The following TSHZ1 variants were observed in gnomAD, a reference collection of about 807,000 sequenced individuals.
TSHZ1 encodes the protein teashirt homolog 1.
Under a neutral mutation model 67.1 loss-of-function variants are expected in TSHZ1, and 12 were observed. The ratio of observed to expected loss-of-function variants is 0.18; its 90% CI spans 0.11 to 0.29. TSHZ1 has a LOEUF of 0.29. Ranked by LOEUF, TSHZ1 falls within the 10% of genes least tolerant of loss-of-function variation. The pLI, the probability that TSHZ1 is intolerant of heterozygous loss-of-function variation, is 1.00. For synonymous variants in TSHZ1, 632 were observed against 622.4 expected, an observed-to-expected ratio of 1.02 and a Z score of -0.23; for missense variants, 1,305 against 1,413.9, an observed-to-expected ratio of 0.92 and a Z score of 1.23.
At chr18:75,232,601 A>T (rs1158935850) in intron 1 of TSHZ1, among the ~76,000 whole-genome samples, 2 of 152,114 alleles carry the variant, frequency 1.3e-5, no homozygotes, top group Admixed American at 1.3e-4. Flanking sequence ...TGGAAAAGAG[A>T]GTTTTCTGAT....
intron 1 of TSHZ1, among the ~76,000 whole-genome samples, chr18:75,212,240 A>C (rs904181308): frequency 6.6e-6 from 1 of 152,284 alleles, no homozygotes; most frequent in East Asian, 1.9e-4. Context: ...GAGGGGAAGT[A>C]GTTGCTCCTT....
chr18:75,255,877 T>C (rs1256132867), intron 1 of TSHZ1, among the ~76,000 whole-genome samples: 1 of 152,238 alleles, frequency 6.6e-6, no homozygotes, highest in Non-Finnish European at 1.5e-5. Flanking sequence ...TTTGTACTTA[T>C]GTCCTAGAAG....
intron 1 of TSHZ1, among the ~76,000 whole-genome samples, chr18:75,241,647 A>G (rs1374892809): frequency 6.6e-6 from 1 of 152,182 alleles, no homozygotes; most frequent in East Asian, 1.9e-4. Context: ...TTATTTAGTG[A>G]CATTCATAAC....
At chr18:75,267,303 G>A (rs940528037) in intron 1 of TSHZ1, among the ~76,000 whole-genome samples, 11 of 152,212 alleles carry the variant, frequency 7.2e-5, no homozygotes, top group African/African-American at 2.7e-4. Flanking sequence ...TGGACACATA[G>A]GATAGTCACA....
intron 1 of TSHZ1, among the ~76,000 whole-genome samples, chr18:75,260,770 C>A (rs767278796): frequency 6.6e-6 from 1 of 152,162 alleles, no homozygotes; most frequent in Non-Finnish European, 1.5e-5. Flanking sequence ...GAAACACGCC[C>A]TGGTTGAATG....
At chr18:75,234,421 C>T (rs762126931) in intron 1 of TSHZ1, among the ~76,000 whole-genome samples, 1 of 152,156 alleles carries the variant, frequency 6.6e-6, no homozygotes, top group South Asian at 2.1e-4. Flanking sequence ...AAAGTTTTTG[C>T]ACAGTTTTAA....
At chr18:75,261,894 A>C (rs917968061) in intron 1 of TSHZ1, among the ~76,000 whole-genome samples, 1 of 152,222 alleles carries the variant, frequency 6.6e-6, no homozygotes, top group Admixed American at 6.5e-5. Flanking sequence ...GCTACAACTC[A>C]TATGGCGTTT....
Position 75,286,137 on chromosome 18 carries a change from A to G in TSHZ1, c.730A>G (p.Ser244Gly), listed in dbSNP as rs1599060655. Residue 244 changes from serine to glycine, a missense_variant, in exon 2 of 2, where the codon AGC (serine) becomes GGC (glycine). Transcript: ENST00000580243. This position sits in a 1 kb window ranked among gnomAD's most constrained non-coding sequence, Gnocchi z 5.1. Reference protein sequence around the residue: ...KLYGSVFTGASKFRCKDCSAA... With the variant: ...KLYGSVFTGAGKFRCKDCSAA... ...CTACGGCTCCGTCTTCACGGGCGCCAGCAAGTTCCGGTGCAAAGACTGCAG... is the reference window on the plus strand; with the variant it reads ...CTACGGCTCCGTCTTCACGGGCGCCGGCAAGTTCCGGTGCAAAGACTGCAG... 6.2e-7 allele frequency: 1 copy of G among 1,613,420 alleles called. No individual in the cohort carries two copies. Among genetic ancestry groups the G allele is most frequent in the Non-Finnish European group, 8.5e-7 (1 of 1,179,420 alleles).
At chr18:75,221,298 AT>A (rs1226961995) in intron 1 of TSHZ1, 4 of 152,264 alleles carry the variant, frequency 2.6e-5, no homozygotes, top group Non-Finnish European at 4.4e-5. Flanking sequence ...GTTATAAAAA[AT>A]ATCCTCAGTT....
intron 1 of TSHZ1, among the ~76,000 whole-genome samples, chr18:75,229,343 C>T (rs1473949056): frequency 6.6e-6 from 1 of 152,234 alleles, no homozygotes; most frequent in Admixed American, 6.5e-5. Context: ...AGGATTGATG[C>T]GTCTCATCTC....
Position 75,281,017 on chromosome 18 carries a change from G to T in TSHZ1, c.41-4431G>T, listed in dbSNP as rs1163979335. ...CTGCCTGGGACCAGATAGATAGAGC[G>T]GGCTGGGCACAGAGGGCTGGGCACA... On this transcript the variant is annotated intron_variant, in intron 1 of 1. Transcript: ENST00000580243. The surrounding 1 kb of genome is among the most constrained non-coding windows in gnomAD (Gnocchi z 5.3). Among the ~76,000 whole-genome samples the T allele has an allele frequency of 6.6e-6, 1 of 152,136 alleles. No individual in the cohort carries two copies. Among genetic ancestry groups the T allele is most frequent in the Non-Finnish European group, 1.5e-5 (1 of 68,008 alleles).
At chr18:75,265,050 G>A (rs545357030) in intron 1 of TSHZ1, among the ~76,000 whole-genome samples, 5 of 152,296 alleles carry the variant, frequency 3.3e-5, no homozygotes, top group East Asian at 3.9e-4. Context: ...ATTTCATAGA[G>A]CAATTTTACA....
chr18:75,267,475 C>T (rs1448307729), intron 1 of TSHZ1, among the ~76,000 whole-genome samples: 4 of 152,186 alleles, frequency 2.6e-5, no homozygotes, highest in Admixed American at 2.6e-4. Context: ...AGAGCGTAAA[C>T]AGTGGTGGGG....
In TSHZ1 at chr18:75,211,838, C is replaced by A. The variant is rs1459484610; in HGVS notation, c.-39C>A. ...CCGCGTCCCCGCGCCCCGCGAACTCCGGCGGCGGCTGAGGCGACGGCTGCG... is the reference window on the plus strand; with the variant it reads ...CCGCGTCCCCGCGCCCCGCGAACTCAGGCGGCGGCTGAGGCGACGGCTGCG... On this transcript the variant is annotated 5_prime_UTR_variant, in exon 1 of 2. Transcript: ENST00000580243. The A allele has an allele frequency of 6.2e-6, 7 of 1,131,162 alleles. No homozygotes were observed. Among genetic ancestry groups the A allele is most frequent in the Non-Finnish European group, 6.5e-6 (6 of 924,126 alleles). The allele number at this position is 1,131,162 out of a possible 1,614,324, so 70.1% of individuals were successfully genotyped here.
intron 1 of TSHZ1, among the ~76,000 whole-genome samples, chr18:75,246,940 C>G (rs907472302): frequency 1.3e-5 from 2 of 152,138 alleles, no homozygotes; most frequent in Admixed American, 6.5e-5. Flanking sequence ...TAATGGAGTA[C>G]TAAAGCCCTG....
intron 1 of TSHZ1, among the ~76,000 whole-genome samples, chr18:75,238,291 C>T (rs1053122731): frequency 1.3e-5 from 2 of 152,172 alleles, no homozygotes; most frequent in African/African-American, 2.4e-5. Context: ...CCTCTAACTG[C>T]CACGGGCAAC....
rs145714683 is a variant in TSHZ1 at position 75,288,197 on chromosome 18, G to A, written c.2790G>A (p.Ser930=). The A allele has an allele frequency of 3.1e-5, 50 of 1,614,208 alleles. No individual in the cohort carries two copies. The highest frequency in any genetic ancestry group is 3.0e-4 in the Admixed American group (18 of 60,030). The change falls in exon 2 of 2, where the codon TCG becomes TCA. Residue 930 remains serine, a synonymous_variant. Coordinates refer to ENST00000580243, the MANE Select transcript of TSHZ1 (RefSeq NM_001308210.2). The surrounding 1 kb of genome is among the most constrained non-coding windows in gnomAD (Gnocchi z 4.9). ...GCCCGCAGGAGAGGGTGCACATCTC[G>A]AAGTTTACTGGGCTCTCCATGACCA... is the stretch of plus-strand genomic sequence containing the variant. ...DLGPQERVHI[S]KFTGLSMTTI... is the part of the protein sequence containing the mutation.
chr18:75,231,638 G>A (rs1399344800), intron 1 of TSHZ1, among the ~76,000 whole-genome samples: 3 of 152,026 alleles, frequency 2.0e-5, no homozygotes, highest in Non-Finnish European at 2.9e-5. Context: ...GGGTTCAAGC[G>A]ATTCTCCTGC....
chr18:75,230,711 C>T (rs975375158), intron 1 of TSHZ1, among the ~76,000 whole-genome samples: 4 of 152,182 alleles, frequency 2.6e-5, no homozygotes, highest in South Asian at 2.1e-4. Context: ...ATTAAAGAGA[C>T]GTCGTCTTCT....
Sources: gnomAD v4.1 joint callset for allele counts (sites outside exome capture counted in the v4.1 genomes callset) on GRCh38, gnomAD v4.1.1 for gene constraint, Gnocchi (gnomAD v3.1) non-coding constraint, MANE v1.5 for transcripts, NCBI Gene and HGNC (gene_info 2026-07-23, HGNC 2026-07-21) for gene names.